TPH2: variants seen among roughly 807,000 people sequenced by gnomAD.
The protein encoded by TPH2 is tryptophan hydroxylase 2.
Under a neutral mutation model 59.1 loss-of-function variants are expected in TPH2, and 27 were observed. That is an observed-to-expected ratio of 0.46 (90% confidence interval 0.34 to 0.63). The LOEUF is 0.63. Ranked by LOEUF, TPH2 falls within the 30% of genes least tolerant of loss-of-function variation. The pLI, the probability that TPH2 is intolerant of heterozygous loss-of-function variation, is 0.01. For missense variants in TPH2, 523 were observed against 588.3 expected (o/e 0.89, Z 1.15); for synonymous variants, 220 against 210.5 (o/e 1.05, Z -0.39).
intron 8 of TPH2, among the ~76,000 whole-genome samples, chr12:72,010,011 A>T (rs964857643): frequency 6.6e-6 from 1 of 152,128 alleles, no homozygotes; most frequent in Non-Finnish European, 1.5e-5. Flanking sequence ...GAAATGGGGG[A>T]TTTAGCACTG....
At position 71,976,428 on chromosome 12, in the gene TPH2, C is replaced by T. The variant is rs1390728270; in HGVS notation, c.806-2524C>T. Among the ~76,000 whole-genome samples, 6 of 152,068 alleles carry T rather than the reference C, an allele frequency of 3.9e-5. No individual in the cohort carries two copies. In the South Asian group the frequency reaches 1.2e-3, roughly 32 times the overall value. On this transcript the variant is annotated intron_variant, in intron 6 of 10. Coordinates refer to ENST00000333850, the MANE Select transcript of TPH2 (RefSeq NM_173353.4). ...TTTAAAATACCTAATTTATTTAAAA[C>T]AGAAACTTTTAAAGCAATGGTATCT...
intron 8 of TPH2, among the ~76,000 whole-genome samples, chr12:71,999,755 C>G (rs1187405893): frequency 2.6e-5 from 4 of 152,198 alleles, no homozygotes; most frequent in African/African-American, 9.7e-5. Context: ...ACAAAAGGTT[C>G]TTTGGCTGCA....
intron 7 of TPH2, among the ~76,000 whole-genome samples, chr12:71,988,736 A>G (rs1872509513): frequency 6.6e-6 from 1 of 152,222 alleles, no homozygotes; most frequent in Admixed American, 6.5e-5. Context: ...CTAGTGATAT[A>G]CCAACAGAAT....
At chr12:71,948,484 AGC>A (rs1192955800) in intron 4 of TPH2, among the ~76,000 whole-genome samples, 1 of 152,146 alleles carries the variant, frequency 6.6e-6, no homozygotes, top group Admixed American at 6.5e-5. Flanking sequence ...GAAGATTTCT[AGC>A]CTCGAGGCCA....
chr12:72,018,594 T>C (rs1873321284), intron 8 of TPH2, among the ~76,000 whole-genome samples: 1 of 152,216 alleles, frequency 6.6e-6, no homozygotes, highest in Non-Finnish European at 1.5e-5. Context: ...AACGCTCCTG[T>C]AGCTGGCTCT....
chr12:71,959,880 A>G (rs981341303), intron 5 of TPH2, among the ~76,000 whole-genome samples: 1 of 152,180 alleles, frequency 6.6e-6, no homozygotes, highest in Non-Finnish European at 1.5e-5. Flanking sequence ...GATGAATTGT[A>G]GGCTCTACTG....
At chr12:71,957,862 G>T (rs544230995) in intron 5 of TPH2, among the ~76,000 whole-genome samples, 1 of 152,174 alleles carries the variant, frequency 6.6e-6, no homozygotes, top group Non-Finnish European at 1.5e-5. Context: ...GGATAAGCTC[G>T]CAACAGGGCT....
chr12:71,960,769 G>T (rs1871657784), intron 5 of TPH2, among the ~76,000 whole-genome samples: 1 of 152,124 alleles, frequency 6.6e-6, no homozygotes, highest in South Asian at 2.1e-4. Flanking sequence ...AGGGAAAGAG[G>T]TATGAGTATT....
intron 9 of TPH2, 91 bp downstream of exon 9, chr12:72,022,585 A>G (rs978135874): frequency 1.0e-6 from 1 of 1,004,106 alleles, no homozygotes; most frequent in African/African-American, 1.6e-5. Flanking sequence ...ATTTCTACTC[A>G]CAGATACTCC....
intron 7 of TPH2, among the ~76,000 whole-genome samples, chr12:71,989,485 A>T (rs73144406): frequency 6.6e-6 from 1 of 151,978 alleles, no homozygotes; most frequent in Admixed American, 6.6e-5. Context: ...CACCTCTGCC[A>T]CTCATCTCCC....
chr12:71,938,908 T>G lies in TPH2; in HGVS notation c.-79T>G, dbSNP rs1870973076. 8.0e-7 allele frequency: 1 copy of G among 1,254,414 alleles called. No individual in the cohort carries two copies. The highest frequency in any genetic ancestry group is 2.3e-5 in the East Asian group (1 of 43,200). 77.7% of individuals were successfully genotyped at this position (1,254,414 alleles called of 1,614,324 possible). A position where few individuals can be genotyped will look rare whatever the true frequency, so the allele number is the denominator to read the frequency against. On this transcript the variant is annotated 5_prime_UTR_variant, in exon 1 of 11. Coordinates refer to ENST00000333850, the MANE Select transcript of TPH2 (RefSeq NM_173353.4). ...AAGCAGGCAGCTGATCGCACGCCCC[T>G]TCCTCTCAATCTCCGCCAGCGCTGC...
At chr12:71,978,150 C>T (rs1044159138) in intron 6 of TPH2, among the ~76,000 whole-genome samples, 2 of 151,846 alleles carry the variant, frequency 1.3e-5, no homozygotes, top group African/African-American at 4.8e-5. Context: ...AATGCATTTC[C>T]TAGAATGTAT....
In TPH2 at chr12:71,940,255, G is replaced by T. The variant is rs559070299; in HGVS notation, c.105+1164G>T. Among the ~76,000 whole-genome samples, 4 of 152,112 alleles carry T rather than the reference G, an allele frequency of 2.6e-5. No individual in the cohort carries two copies. In the East Asian group the frequency reaches 5.8e-4, roughly 22 times the overall value. ...AGATCTGTGTGTTGTGTGGTGAGGA[G>T]GAGGCAGATGTTAAGAACACTGAGA... is the stretch of plus-strand genomic sequence containing the variant. On this transcript the variant is annotated intron_variant, in intron 1 of 10. Transcript: ENST00000333850.
intron 7 of TPH2, among the ~76,000 whole-genome samples, chr12:71,985,207 T>C (rs1320372902): frequency 6.6e-6 from 1 of 152,226 alleles, no homozygotes; most frequent in Non-Finnish European, 1.5e-5. Context: ...AGCTGGTAAG[T>C]ACGTGAGTCA....
At chr12:71,979,703 G>A (rs748519651) in intron 7 of TPH2, among the ~76,000 whole-genome samples, 2 of 152,198 alleles carry the variant, frequency 1.3e-5, no homozygotes, top group Non-Finnish European at 1.5e-5. Flanking sequence ...GAAGCTAAGA[G>A]GTGATGCTAT....
chr12:72,021,836 T>C (rs1873428765), intron 8 of TPH2, among the ~76,000 whole-genome samples: 1 of 152,210 alleles, frequency 6.6e-6, no homozygotes, highest in Non-Finnish European at 1.5e-5. Flanking sequence ...TATATTAATA[T>C]TGTGGTTTTG....
chr12:72,023,874 GAC>G (rs994444354), intron 9 of TPH2, among the ~76,000 whole-genome samples: 88 of 141,290 alleles, frequency 6.2e-4, no homozygotes, highest in African/African-American at 2.1e-3. Flanking sequence ...CATTTAAATA[GAC>G]AATATTTCTG....
intron 8 of TPH2, among the ~76,000 whole-genome samples, chr12:72,001,376 C>T (rs1872816655): frequency 6.6e-6 from 1 of 151,910 alleles, no homozygotes; most frequent in Non-Finnish European, 1.5e-5. Flanking sequence ...AAGGAGGGAC[C>T]CATGGGCAAA....
At chr12:71,985,354 T>A (rs1592398765) in intron 7 of TPH2, among the ~76,000 whole-genome samples, 2 of 152,330 alleles carry the variant, frequency 1.3e-5, no homozygotes, top group East Asian at 3.9e-4. Context: ...TTGTTGTTGT[T>A]GTTTTCCAAT....
Sources: allele counts gnomAD v4.1 joint callset (sites outside exome capture counted in the v4.1 genomes callset), GRCh38; gene constraint gnomAD v4.1.1; transcripts MANE v1.5; gene names NCBI Gene and HGNC (gene_info 2026-07-23, HGNC 2026-07-21).